Variants in RPS6KA5 observed in about 807,000 individuals in gnomAD.
The protein encoded by RPS6KA5 is ribosomal protein S6 kinase A5, also known as ribosomal protein S6 kinase alpha-5.
In RPS6KA5, 27 loss-of-function variants were observed where a neutral mutation model predicts 85.5. The ratio of observed to expected loss-of-function variants is 0.32; its 90% CI spans 0.23 to 0.44. The LOEUF (loss-of-function observed/expected upper bound fraction) is 0.44, where lower values mean the gene tolerates loss of function less well. RPS6KA5 is among the 20% of genes least tolerant of loss of function. The pLI is 1.00. For synonymous variants in RPS6KA5, 334 were observed against 348.2 expected (o/e 0.96, Z 0.46); for missense variants, 811 against 980.9 (o/e 0.83, Z 2.31).
chr14:91,052,355 C>T, intron 1 of RPS6KA5: 1 of 393,978 alleles, frequency 2.5e-6, no homozygotes, highest in Non-Finnish European at 4.8e-6. Flanking sequence ...GTAATCCCAG[C>T]CACTTGGGAG....
rs376770842 is a variant in RPS6KA5, at chr14:90,875,302, G to C, written c.1895C>G (p.Thr632Ser). 10 of 1,613,694 alleles carry C rather than the reference G, an allele frequency of 6.2e-6. No homozygotes were observed. Among genetic ancestry groups the C allele is most frequent in the Non-Finnish European group, 7.6e-6 (9 of 1,179,882 alleles). Residue 632 changes from threonine (T) to serine (S), a missense_variant, in exon 15 of 17, where the codon ACC (threonine) becomes AGC (serine). Physicochemically the swap from Thr to Ser is moderately conservative, Grantham distance 58. Around this residue, in one of 3 missense-constraint regions of RPS6KA5, gnomAD observed 650 missense variants for 793.4 expected, o/e 0.82. Transcript: ENST00000614987. ...TTTCTTCATGATTTCCACCGCGCTG[G>C]TACACGTCAAACTTCGGTCATGAGA... ...FQSHDRSLTC[T>S]SAVEIMKKIK...
intron 7 of RPS6KA5, among the ~76,000 whole-genome samples, chr14:90,918,751 A>AGG (rs1218885434): frequency 6.6e-6 from 1 of 152,218 alleles, no homozygotes; most frequent in Non-Finnish European, 1.5e-5. Context: ...CAGTGGTTCC[A>AGG]GCACCATTTA....
At chr14:90,973,207 G>A (rs1261125144) in intron 3 of RPS6KA5, among the ~76,000 whole-genome samples, 2 of 152,164 alleles carry the variant, frequency 1.3e-5, no homozygotes, top group Middle Eastern at 3.2e-3. Flanking sequence ...TTTGGAGGCC[G>A]AGGTGGGCAG....
chr14:90,962,154 C>G (rs1256976247), intron 3 of RPS6KA5, among the ~76,000 whole-genome samples: 1 of 152,208 alleles, frequency 6.6e-6, no homozygotes, highest in East Asian at 1.9e-4. Flanking sequence ...ATACTCTCCC[C>G]TTGTGTTCCA....
chr14:91,035,864 AAAAAAAAAAAAAAAAAAC>A (rs2042381679), intron 1 of RPS6KA5, among the ~76,000 whole-genome samples: 1 of 146,266 alleles, frequency 6.8e-6, no homozygotes, highest in African/African-American at 2.5e-5. Flanking sequence ...AAAAAAAAAA[AAAAAAAAAAAAAAAAAAC>A]CCCAAAGCTG....
intron 1 of RPS6KA5, among the ~76,000 whole-genome samples, chr14:91,021,581 T>G (rs942050049): frequency 9.9e-5 from 15 of 152,222 alleles, no homozygotes; most frequent in Admixed American, 7.9e-4. Flanking sequence ...CCTGGTTAAT[T>G]TTTGTATTTT....
At chr14:90,903,327 A>C (rs2035292227) in intron 8 of RPS6KA5, among the ~76,000 whole-genome samples, 1 of 152,182 alleles carries the variant, frequency 6.6e-6, no homozygotes, top group Admixed American at 6.5e-5. Context: ...CAAAATAAAA[A>C]ACTGAAATAA....
intron 1 of RPS6KA5, among the ~76,000 whole-genome samples, chr14:91,028,240 T>TC (rs999313262): frequency 1.1e-4 from 17 of 152,142 alleles, no homozygotes; most frequent in Non-Finnish European, 2.5e-4. Context: ...TTACATGATT[T>TC]TTTTTTTTAG....
chr14:90,961,250 C>T (rs954192974), intron 3 of RPS6KA5, among the ~76,000 whole-genome samples: 9 of 152,132 alleles, frequency 5.9e-5, no homozygotes, highest in Non-Finnish European at 1.3e-4. Flanking sequence ...ACATAATCCC[C>T]AGAGAAAATA....
rs1238007612 is a variant in RPS6KA5 at position 90,869,195 on chromosome 14, T to C, written c.*2879A>G. ...TGAGCCACCATGCTCAGCTAATTTT[T>C]ATTTTTATTTTTGGAGAGACAGTGT... On this transcript the variant is annotated 3_prime_UTR_variant, in exon 17 of 17. Transcript: ENST00000614987. 6.6e-6 allele frequency: 1 copy of C among 152,214 alleles called. No homozygotes were observed. The highest frequency in any genetic ancestry group is 1.9e-4 in the East Asian group (1 of 5,182). 9.4% of individuals were successfully genotyped at this position (152,214 alleles called of 1,614,324 possible).
intron 4 of RPS6KA5, among the ~76,000 whole-genome samples, chr14:90,945,400 G>A (rs2037821177): frequency 6.6e-6 from 1 of 152,186 alleles, no homozygotes; most frequent in Non-Finnish European, 1.5e-5. Flanking sequence ...ACCAGGAGAT[G>A]CTTTTTCCTA....
intron 1 of RPS6KA5, among the ~76,000 whole-genome samples, chr14:91,002,334 G>C (rs193174032): frequency 1.3e-5 from 2 of 151,976 alleles, no homozygotes; most frequent in African/African-American, 4.8e-5. Context: ...GCAGAATTTA[G>C]GTAGTGAGTA....
At chr14:91,055,487 T>C (rs1404434167) in intron 1 of RPS6KA5, among the ~76,000 whole-genome samples, 1 of 152,160 alleles carries the variant, frequency 6.6e-6, no homozygotes, top group East Asian at 1.9e-4. Flanking sequence ...ATGCTACAAA[T>C]GGATTAATTT....
At chr14:90,875,143 T>C in intron 15 of RPS6KA5, 58 bp downstream of exon 15, 1 of 1,493,454 alleles carries the variant, frequency 6.7e-7, no homozygotes, top group Non-Finnish European at 9.1e-7. Flanking sequence ...GTAATGGCCA[T>C]GATTCTACTT....
chr14:90,882,461 T>C (rs555918995), intron 14 of RPS6KA5, among the ~76,000 whole-genome samples: 4 of 152,378 alleles, frequency 2.6e-5, no homozygotes, highest in Non-Finnish European at 4.4e-5. Context: ...TTTACCTTTA[T>C]TGACATCTTT....
At chr14:91,044,376 G>GAAAGAGA (rs2042755722) in intron 1 of RPS6KA5, among the ~76,000 whole-genome samples, 1 of 11,426 alleles carries the variant, frequency 8.8e-5, no homozygotes, top group African/African-American at 2.6e-4. Context: ...AAAGAAAGAA[G>GAAAGAGA]GAAAGAAAGA....
At chr14:90,907,385 T>C (rs1380672894) in intron 7 of RPS6KA5, among the ~76,000 whole-genome samples, 1 of 152,220 alleles carries the variant, frequency 6.6e-6, no homozygotes, top group East Asian at 1.9e-4. Context: ...TTTTCTCACC[T>C]GTAAAATGGG....
At chr14:90,931,747 G>A (rs930309518) in intron 5 of RPS6KA5, among the ~76,000 whole-genome samples, 1 of 152,090 alleles carries the variant, frequency 6.6e-6, no homozygotes, top group Non-Finnish European at 1.5e-5. Flanking sequence ...GGGAAAAAAT[G>A]CAACACTGTG....
chr14:90,867,217 T>C lies in RPS6KA5; in HGVS notation c.*4857A>G, dbSNP rs1340955359. On this transcript the variant is annotated 3_prime_UTR_variant, in exon 17 of 17. Coordinates refer to ENST00000614987, the MANE Select transcript of RPS6KA5 (RefSeq NM_004755.4). Reference sequence around the variant, plus strand: ...ACAGTATTCCATAAAACTTAAAATTTCCTTTTCTAAGTCATGACATTTCTC... The same window carrying C: ...ACAGTATTCCATAAAACTTAAAATTCCCTTTTCTAAGTCATGACATTTCTC... 1 of 152,212 alleles carries C rather than the reference T, an allele frequency of 6.6e-6. No homozygotes were observed. Among genetic ancestry groups the C allele is most frequent in the Admixed American group, 6.5e-5 (1 of 15,286 alleles). 9.4% of individuals were successfully genotyped at this position (152,212 alleles called of 1,614,324 possible). A position where few individuals can be genotyped will look rare whatever the true frequency, so the allele number is the denominator to read the frequency against.
Sources: allele counts gnomAD v4.1 joint callset (sites outside exome capture counted in the v4.1 genomes callset), GRCh38; gene constraint gnomAD v4.1.1; regional missense constraint gnomAD v4.1.1; transcripts MANE v1.5; gene names NCBI Gene and HGNC (gene_info 2026-07-23, HGNC 2026-07-21).